LYZL2: variants seen among roughly 807,000 people sequenced by gnomAD.
LYZL2 encodes the protein lysozyme like 2.
In LYZL2, 13 loss-of-function variants were observed where a neutral mutation model predicts 17.1. The observed-to-expected ratio is 0.76, with a 90% CI of 0.49 to 1.21. The LOEUF is 1.21. LYZL2 is among the 50% of genes most tolerant of loss of function. The pLI, the probability that LYZL2 is intolerant of heterozygous loss-of-function variation, is 0.00. For synonymous variants in LYZL2, 63 were observed against 74.4 expected (o/e 0.85, Z 0.79); for missense variants, 166 against 189.2 (o/e 0.88, Z 0.72).
At chr10:30,625,974 C>T in intron 3 of LYZL2, 131 bp downstream of exon 3, 1 of 1,380,290 alleles carries the variant, frequency 7.2e-7, no homozygotes, top group African/African-American at 1.4e-5. Flanking sequence ...GCATAATTTA[C>T]CAATCTTGAA....
chr10:30,624,541 G>A (rs770585034), intron 3 of LYZL2, among the ~76,000 whole-genome samples: 20 of 152,162 alleles, frequency 1.3e-4, no homozygotes, highest in Non-Finnish European at 2.1e-4. Context: ...TGTAAGTAGA[G>A]TCTATTAATA....
At chr10:30,627,816 C>T (rs1356248316) in intron 1 of LYZL2, among the ~76,000 whole-genome samples, 2 of 152,154 alleles carry the variant, frequency 1.3e-5, no homozygotes, top group African/African-American at 2.4e-5. Flanking sequence ...ACAGACACCC[C>T]ATTTCAGCCA....
In LYZL2 at chr10:30,629,115, G is replaced by A. The variant is rs150126716; in HGVS notation, c.-26+478C>T. Among the ~76,000 whole-genome samples, 952 of 152,284 alleles carry A rather than the reference G, an allele frequency of 6.3e-3. 4 individuals are homozygous for A. The highest frequency in any genetic ancestry group is 9.3e-3 in the Non-Finnish European group (633 of 68,008). On this transcript the variant is annotated intron_variant, in intron 1 of 4. Coordinates refer to ENST00000647634, the MANE Select transcript of LYZL2 (RefSeq NM_183058.3). ...AGGTTTAAGATGCAGAGCTTAGGCTGGGCATGGTGGCCCACACCTGTAATC... is the reference window on the plus strand; with the variant it reads ...AGGTTTAAGATGCAGAGCTTAGGCTAGGCATGGTGGCCCACACCTGTAATC...
In LYZL2 at chr10:30,629,723, GA is replaced by G. The variant is rs1838778783; in HGVS notation, c.-157del. On this transcript the variant is annotated 5_prime_UTR_variant, in exon 1 of 5. Coordinates refer to ENST00000647634, the MANE Select transcript of LYZL2 (RefSeq NM_183058.3). ...TCCTGCATCCCCTGAAGCCATGTCTGATTCTAACAAGGCTCGAGTAATCCTT... is the reference window on the plus strand; with the variant it reads ...TCCTGCATCCCCTGAAGCCATGTCTGTTCTAACAAGGCTCGAGTAATCCTT... 1 of 1,601,112 alleles carries G rather than the reference GA, an allele frequency of 6.2e-7. No homozygotes were observed. The highest frequency in any genetic ancestry group is 1.7e-5 in the Admixed American group (1 of 58,688).
chr10:30,622,544 A>G (rs1012253066), intron 3 of LYZL2, among the ~76,000 whole-genome samples: 1 of 143,538 alleles, frequency 7.0e-6, no homozygotes, highest in Admixed American at 7.1e-5. Context: ...GCAAAGCTCC[A>G]ACTCAACAAA....
chr10:30,609,825 A>G (rs1436759082), downstream of LYZL2, among the ~76,000 whole-genome samples: 1 of 152,356 alleles, frequency 6.6e-6, no homozygotes, highest in African/African-American at 2.4e-5. Flanking sequence ...GGCATTAATT[A>G]TGGAAAATTA....
intron 3 of LYZL2, among the ~76,000 whole-genome samples, chr10:30,620,907 A>G (rs1434978381): frequency 6.6e-6 from 1 of 152,200 alleles, no homozygotes; most frequent in Non-Finnish European, 1.5e-5. Context: ...TAATAATGGA[A>G]ACTATTGAAA....
chr10:30,606,533 C>T, the LYZL2 span, among the ~76,000 whole-genome samples: 77,593 of 151,704 alleles, frequency 0.51, 20,410 homozygotes, highest in Middle Eastern at 0.59. Flanking sequence ...TAGTCACCAA[C>T]GCTTTTTAAA....
At chr10:30,609,484 G>A (rs1838409394), downstream of LYZL2, among the ~76,000 whole-genome samples, 1 of 152,182 alleles carries the variant, frequency 6.6e-6, no homozygotes, top group Non-Finnish European at 1.5e-5. Context: ...TTGCAGACCA[G>A]ACCAGAAAGC....
In LYZL2 at chr10:30,612,916, T is replaced by G. The variant is rs201996785; in HGVS notation, c.299-16A>C. On this transcript the variant is annotated splice_polypyrimidine_tract_variant and intron_variant, in intron 3 of 4. Transcript: ENST00000647634. ...GTGACCAAGGCTGTAAAAAGAGAGG[T>G]CATCAGGGTTAGGCGAGACTTTGTT... is the stretch of plus-strand genomic sequence containing the variant. 2.5e-5 allele frequency: 40 copies of G among 1,608,798 alleles called. No individual in the cohort carries two copies. Among genetic ancestry groups the G allele is most frequent in the Middle Eastern group, 3.3e-4 (2 of 6,080 alleles).
At chr10:30,625,642 C>T (rs754659717) in intron 3 of LYZL2, among the ~76,000 whole-genome samples, 14 of 152,136 alleles carry the variant, frequency 9.2e-5, no homozygotes, top group Non-Finnish European at 1.9e-4. Context: ...TATGAACGCA[C>T]CACTACACTC....
chr10:30,606,944 G>A (rs997622600), downstream of LYZL2, among the ~76,000 whole-genome samples: 5 of 145,156 alleles, frequency 3.4e-5, no homozygotes, highest in East Asian at 2.0e-4. Flanking sequence ...ATGGAGTTTC[G>A]CTTCTGTTGC....
intron 3 of LYZL2, among the ~76,000 whole-genome samples, chr10:30,621,030 G>A (rs527513662): frequency 6.6e-6 from 1 of 152,230 alleles, no homozygotes; most frequent in Admixed American, 6.5e-5. Flanking sequence ...GAAAAGAAAA[G>A]CATTAGAAGA....
chr10:30,607,843 G>A (rs374065304), downstream of LYZL2, among the ~76,000 whole-genome samples: 116 of 152,296 alleles, frequency 7.6e-4, no homozygotes, highest in African/African-American at 2.6e-3. Context: ...CTGGGGGATA[G>A]CAATGTCCGT....
intron 4 of LYZL2, 48 bp from the exon 5 acceptor site, chr10:30,612,072 C>T (rs1838455479): frequency 6.2e-7 from 1 of 1,600,472 alleles, no homozygotes; most frequent in African/African-American, 1.3e-5. Context: ...CGTGACAATC[C>T]AAACCGTCTC....
At chr10:30,627,508 T>C (rs1838733328) in intron 1 of LYZL2, among the ~76,000 whole-genome samples, 1 of 152,046 alleles carries the variant, frequency 6.6e-6, no homozygotes, top group Non-Finnish European at 1.5e-5. Flanking sequence ...TAGTAAATAT[T>C]TACTATTAAC....
intron 3 of LYZL2, among the ~76,000 whole-genome samples, chr10:30,618,341 G>A (rs1838567747): frequency 6.6e-6 from 1 of 152,052 alleles, no homozygotes; most frequent in African/African-American, 2.4e-5. Flanking sequence ...AGTTCATATG[G>A]AACCAAAAAA....
downstream of LYZL2, among the ~76,000 whole-genome samples, chr10:30,611,348 C>A (rs1458962490): frequency 2.0e-5 from 3 of 151,550 alleles, no homozygotes; most frequent in Admixed American, 6.6e-5. Flanking sequence ...CATGGAGAAA[C>A]CCCATCTGGG....
intron 3 of LYZL2, among the ~76,000 whole-genome samples, chr10:30,615,746 CAATT>C: frequency 6.6e-6 from 1 of 151,464 alleles, no homozygotes; most frequent in Non-Finnish European, 1.5e-5. Flanking sequence ...ACATTAAAGA[CAATT>C]AAAACTTTAG....
Sources: allele counts gnomAD v4.1 joint callset (sites outside exome capture counted in the v4.1 genomes callset), GRCh38; gene constraint gnomAD v4.1.1; transcripts MANE v1.5; gene names NCBI Gene and HGNC (gene_info 2026-07-23, HGNC 2026-07-21).